CSMD3: variants seen among roughly 807,000 people sequenced by gnomAD.
CSMD3 encodes CUB and sushi domain-containing protein 3.
Under a neutral mutation model 435.2 loss-of-function variants are expected in CSMD3, and 177 were observed. The ratio of observed to expected loss-of-function variants is 0.41; its 90% CI spans 0.36 to 0.46. CSMD3 has a LOEUF of 0.46. Among genes scored for constraint, CSMD3 ranks in the 20% least tolerant of loss-of-function variants. The pLI is 0.34. For missense variants in CSMD3, 4,265 were observed against 4,504.6 expected, an observed-to-expected ratio of 0.95 and a Z score of 1.52; for synonymous variants, 1,656 against 1,520.5, an observed-to-expected ratio of 1.09 and a Z score of -2.07.
At chr8:113,109,614 G>T (rs941067700) in intron 4 of CSMD3, among the ~76,000 whole-genome samples, 6 of 152,296 alleles carry the variant, frequency 3.9e-5, no homozygotes, top group Non-Finnish European at 7.4e-5. Context: ...CTGAGATTGG[G>T]TTCCTAAGGC....
chr8:113,328,943 T>C (rs2094006056), intron 1 of CSMD3, among the ~76,000 whole-genome samples: 1 of 151,320 alleles, frequency 6.6e-6, no homozygotes, highest in Non-Finnish European at 1.5e-5. Flanking sequence ...AATTTCATCA[T>C]GTTGCCCAGG....
chr8:113,056,915 C>T (rs78875640), intron 5 of CSMD3, among the ~76,000 whole-genome samples: 7 of 152,122 alleles, frequency 4.6e-5, no homozygotes, highest in African/African-American at 1.4e-4. Flanking sequence ...TTCTGGTCTT[C>T]GTTTACTCTC....
At chr8:112,357,829 G>A (rs925574194) in intron 38 of CSMD3, among the ~76,000 whole-genome samples, 1 of 152,302 alleles carries the variant, frequency 6.6e-6, no homozygotes, top group South Asian at 2.1e-4. Flanking sequence ...GGCTCTCATG[G>A]AGAACATCTG....
chr8:112,361,572 CATATATATATATATATAT>C (rs4030099), intron 38 of CSMD3, among the ~76,000 whole-genome samples: 12,578 of 107,222 alleles, frequency 0.12, 1,810 homozygotes, highest in African/African-American at 0.33. Flanking sequence ...TATACACATA[CATATATATATATATATAT>C]ATATATATAT....
chr8:112,449,455 C>G (rs117001673), intron 32 of CSMD3, among the ~76,000 whole-genome samples: 1 of 151,814 alleles, frequency 6.6e-6, no homozygotes, highest in African/African-American at 2.4e-5. Flanking sequence ...TTGACAGGAG[C>G]CTGATGATGA....
intron 10 of CSMD3, among the ~76,000 whole-genome samples, chr8:112,880,009 T>C (rs992271199): frequency 6.6e-5 from 10 of 152,160 alleles, no homozygotes; most frequent in Middle Eastern, 3.4e-3. Flanking sequence ...CCAAGGCATG[T>C]GTATTCCTAT....
At chr8:113,128,533 A>G (rs2091201874) in intron 4 of CSMD3, among the ~76,000 whole-genome samples, 1 of 152,026 alleles carries the variant, frequency 6.6e-6, no homozygotes, top group South Asian at 2.1e-4. Context: ...CACTATGTAG[A>G]ATTTATTAAA....
At position 112,615,351 on chromosome 8, in the gene CSMD3, A is replaced by T. The variant is rs149520512; in HGVS notation, c.3715+21466T>A. Among the ~76,000 whole-genome samples the T allele has an allele frequency of 1.4e-3, 208 of 152,224 alleles. 3 individuals carry two copies. The highest frequency in any genetic ancestry group is 4.8e-3 in the African/African-American group (201 of 41,552). On this transcript the variant is annotated intron_variant, in intron 22 of 70. Transcript: ENST00000297405. Reference sequence around the variant, plus strand: ...TATGGGCTCTTGTCCCCAAGAGTAAACCTAGTTATAGAACCTAAACACATT... The same window carrying T: ...TATGGGCTCTTGTCCCCAAGAGTAATCCTAGTTATAGAACCTAAACACATT...
intron 4 of CSMD3, among the ~76,000 whole-genome samples, chr8:113,109,566 GAAT>G (rs1447751206): frequency 3.3e-5 from 5 of 152,310 alleles, no homozygotes; most frequent in African/African-American, 1.2e-4. Context: ...TATAGCTCAA[GAAT>G]AATATTCTTT....
intron 9 of CSMD3, among the ~76,000 whole-genome samples, chr8:112,927,535 C>A (rs1375790192): frequency 6.6e-6 from 1 of 152,140 alleles, no homozygotes; most frequent in Non-Finnish European, 1.5e-5. Context: ...TGGTATTAAT[C>A]TGTTTATTTG....
chr8:113,016,659 G>C (rs528667029), intron 6 of CSMD3, among the ~76,000 whole-genome samples: 17 of 151,762 alleles, frequency 1.1e-4, no homozygotes, highest in Non-Finnish European at 2.4e-4. Flanking sequence ...TAGAAACTGA[G>C]CTGCATGGAG....
Position 112,472,656 on chromosome 8 carries a change from T to C in CSMD3, c.5330A>G (p.Asn1777Ser). 1.2e-6 allele frequency: 2 copies of C among 1,612,554 alleles called. No homozygotes were observed. The highest frequency in any genetic ancestry group is 1.7e-6 in the Non-Finnish European group (2 of 1,178,828). The stretch of plus-strand genomic sequence containing the variant: ...TCCCACACTGTAATTTTTTGGATAG[T>C]TTGGTGATAGAACAGTGCCTTCTGA... ...TGSEGTVLSPNYPKNYSVGHN... is the reference protein window; with the variant it reads ...TGSEGTVLSPSYPKNYSVGHN... The change falls in exon 32 of 71, where the codon AAC (asparagine) becomes AGC (serine). Residue 1777 changes from asparagine to serine, a missense_variant. By Grantham distance (46) the Asn-to-Ser change is conservative. Around this residue, in one of 3 missense-constraint regions of CSMD3, gnomAD observed 3,255 missense variants for 3,380.2 expected, o/e 0.96. Transcript: ENST00000297405.
At chr8:113,369,818 T>C (rs933544098) in intron 1 of CSMD3, among the ~76,000 whole-genome samples, 20 of 151,802 alleles carry the variant, frequency 1.3e-4, no homozygotes, top group African/African-American at 4.8e-5. Flanking sequence ...GAAAGACAAA[T>C]ACAACATTCT....
chr8:112,859,078 A>G (rs2080749685), intron 11 of CSMD3, 67 bp downstream of exon 11: 1 of 1,464,526 alleles, frequency 6.8e-7, no homozygotes, highest in Non-Finnish European at 9.5e-7. Context: ...CATGTTCCGT[A>G]TTATTTCTTT....
intron 13 of CSMD3, among the ~76,000 whole-genome samples, chr8:112,757,556 T>C (rs1212628773): frequency 6.6e-6 from 1 of 152,150 alleles, no homozygotes; most frequent in Non-Finnish European, 1.5e-5. Flanking sequence ...AAAATATTTT[T>C]TGTATCTGGC....
intron 38 of CSMD3, among the ~76,000 whole-genome samples, chr8:112,377,187 CACAG>C (rs1387436577): frequency 6.6e-6 from 1 of 151,470 alleles, no homozygotes; most frequent in Admixed American, 6.6e-5. Context: ...CAATTGATGT[CACAG>C]AAATTAAAAG....
At chr8:113,296,127 T>G (rs949815613) in intron 2 of CSMD3, among the ~76,000 whole-genome samples, 7 of 150,394 alleles carry the variant, frequency 4.7e-5, no homozygotes, top group South Asian at 4.2e-4. Context: ...AAGGGGGACA[T>G]CACACACTGG....
intron 22 of CSMD3, among the ~76,000 whole-genome samples, chr8:112,599,873 G>T (rs1271746155): frequency 1.1e-4 from 7 of 62,420 alleles, no homozygotes; most frequent in African/African-American, 2.3e-4. Context: ...CTGTGGTGGG[G>T]TGGGGGGAGG....
intron 6 of CSMD3, among the ~76,000 whole-genome samples, chr8:112,995,769 C>T (rs1324933925): frequency 6.6e-6 from 1 of 151,426 alleles, no homozygotes; most frequent in Non-Finnish European, 1.5e-5. Flanking sequence ...ATTTAACCTG[C>T]AAAATGCAAT....
Sources: gnomAD v4.1 joint callset for allele counts (sites outside exome capture counted in the v4.1 genomes callset) on GRCh38, gnomAD v4.1.1 for gene constraint, gnomAD v4.1.1 regional missense constraint, MANE v1.5 for transcripts, NCBI Gene and HGNC (gene_info 2026-07-23, HGNC 2026-07-21) for gene names.